Variants in DENND2B observed in about 807,000 individuals in gnomAD.
DENND2B encodes the protein DENN domain containing 2B.
In DENND2B, 32 loss-of-function variants were observed where a neutral mutation model predicts 116.0. The observed-to-expected ratio is 0.28, with a 90% CI of 0.21 to 0.37. DENND2B has a LOEUF of 0.37. DENND2B is among the 10% of genes least tolerant of loss of function. DENND2B has a pLI of 1.00. For synonymous variants in DENND2B, 588 were observed against 583.9 expected, an observed-to-expected ratio of 1.01 and a Z score of -0.10; for missense variants, 1,276 against 1,477.7, an observed-to-expected ratio of 0.86 and a Z score of 2.24.
At chr11:8,748,541 G>A (rs1335035071) in intron 2 of DENND2B, among the ~76,000 whole-genome samples, 1 of 152,144 alleles carries the variant, frequency 6.6e-6, no homozygotes, top group Non-Finnish European at 1.5e-5. Context: ...TACACCCCAG[G>A]GGTAGTCTCT....
intron 2 of DENND2B, among the ~76,000 whole-genome samples, chr11:8,865,968 C>A (rs1300492481): frequency 6.7e-6 from 1 of 149,226 alleles, no homozygotes; most frequent in African/African-American, 2.5e-5. Flanking sequence ...CTTTTTTTTT[C>A]TTTTATTTTG....
intron 4 of DENND2B, among the ~76,000 whole-genome samples, chr11:8,724,952 C>T (rs933678611): frequency 6.6e-6 from 1 of 152,228 alleles, no homozygotes; most frequent in African/African-American, 2.4e-5. Context: ...GCAGCTTCCA[C>T]CTGGGCCTTC....
intron 2 of DENND2B, among the ~76,000 whole-genome samples, chr11:8,877,726 G>A (rs2063859423): frequency 6.6e-6 from 1 of 152,040 alleles, no homozygotes; most frequent in Admixed American, 6.6e-5. Context: ...ATATCATTTT[G>A]TCATTCTCCA....
chr11:8,711,160 A>G lies in DENND2B; in HGVS notation c.2244T>C (p.Pro748=). 2 of 1,614,162 alleles carry G rather than the reference A, an allele frequency of 1.2e-6. No homozygotes were observed. Among genetic ancestry groups the G allele is most frequent in the Non-Finnish European group, 1.7e-6 (2 of 1,180,036 alleles). ...ACACAGGAAGCCAGTCCTTGGCATCAGGGAAGCAAAACTGGGGAATGGCTT... is the reference window on the plus strand; with the variant it reads ...ACACAGGAAGCCAGTCCTTGGCATCGGGGAAGCAAAACTGGGGAATGGCTT... ...RLKAIPQFCF[P]DAKDWLPVSE... The change falls in exon 10 of 20, where the codon CCT becomes CCC. Residue 748 remains proline, a synonymous_variant. Transcript: ENST00000313726.
chr11:8,783,298 C>G (rs1044775582), intron 1 of DENND2B, among the ~76,000 whole-genome samples: 2 of 152,186 alleles, frequency 1.3e-5, no homozygotes, highest in Admixed American at 1.3e-4. Flanking sequence ...AAGCAATCCT[C>G]CTGCTTTGGC....
rs561877707 is a variant in DENND2B, at chr11:8,693,809, C to T, written c.*287G>A. 7.1e-4 allele frequency: 242 copies of T among 340,606 alleles called. No homozygotes were observed. The highest frequency in any genetic ancestry group is 4.7e-3 in the African/African-American group (222 of 46,808). 21.1% of individuals were successfully genotyped at this position (340,606 alleles called of 1,614,324 possible). ...AAACTGGCCAGTCACGAGCACCCAGCGAAACTTCATCCATGCTCTGGCAGG... is the reference window on the plus strand; with the variant it reads ...AAACTGGCCAGTCACGAGCACCCAGTGAAACTTCATCCATGCTCTGGCAGG... On this transcript the variant is annotated 3_prime_UTR_variant, in exon 20 of 20. Transcript: ENST00000313726.
intron 1 of DENND2B, among the ~76,000 whole-genome samples, chr11:8,773,373 G>T (rs1296458293): frequency 6.6e-6 from 1 of 152,146 alleles, no homozygotes; most frequent in African/African-American, 2.4e-5. Flanking sequence ...TCACCCCAGA[G>T]ACGCTGCCTC....
intron 4 of DENND2B, chr11:8,718,539 C>T (rs1457923924): frequency 1.5e-5 from 21 of 1,432,082 alleles, no homozygotes; most frequent in East Asian, 7.6e-5. Context: ...ATGATCTGTT[C>T]GATGACTCTC....
At chr11:8,806,605 A>AACACACACACACATACACACAC (rs2060864835) in intron 1 of DENND2B, among the ~76,000 whole-genome samples, 1 of 118,494 alleles carries the variant, frequency 8.4e-6, no homozygotes, top group Non-Finnish European at 1.7e-5. Flanking sequence ...CTCCCTTCAA[A>AACACACACACACATACACACAC]ACACACACAC....
chr11:8,745,706 G>A (rs1360881875), intron 2 of DENND2B, among the ~76,000 whole-genome samples: 4 of 152,128 alleles, frequency 2.6e-5, no homozygotes, highest in Admixed American at 1.3e-4. Context: ...AAAATGCCAC[G>A]CATTTTTGCC....
At position 8,750,631 on chromosome 11, in the gene DENND2B, T is replaced by TC; in HGVS notation, c.69dup (p.Thr24AspfsTer26). ...TGCTCCCTTACCCACCTGCTCAGAG[T>TC]CCCCCGAGGGGCTTTAGTGCCACCA... On this transcript the variant is annotated frameshift_variant, in exon 2 of 20. Transcript: ENST00000313726. LOFTEE classifies it high-confidence loss of function. 6.2e-7 allele frequency: 1 copy of TC among 1,613,902 alleles called. No individual in the cohort carries two copies. The highest frequency in any genetic ancestry group is 8.5e-7 in the Non-Finnish European group (1 of 1,179,974).
chr11:8,841,141 G>T (rs1477841933), intron 3 of DENND2B, among the ~76,000 whole-genome samples: 1 of 152,018 alleles, frequency 6.6e-6, no homozygotes, highest in Non-Finnish European at 1.5e-5. Flanking sequence ...CAAGTGGAAG[G>T]TTCTTTCTTT....
chr11:8,801,366 C>T (rs375890517), intron 1 of DENND2B, among the ~76,000 whole-genome samples: 28 of 152,142 alleles, frequency 1.8e-4, no homozygotes, highest in African/African-American at 6.3e-4. Context: ...ACAAACCCAA[C>T]AGACAAGCCA....
intron 3 of DENND2B, among the ~76,000 whole-genome samples, chr11:8,851,123 A>G (rs1298705418): frequency 6.6e-6 from 1 of 152,176 alleles, no homozygotes; most frequent in Non-Finnish European, 1.5e-5. Flanking sequence ...CATCATGGCA[A>G]CTATAGTTAA....
At chr11:8,892,376 A>C (rs1370763989) in intron 1 of DENND2B, among the ~76,000 whole-genome samples, 1 of 152,210 alleles carries the variant, frequency 6.6e-6, no homozygotes, top group Non-Finnish European at 1.5e-5. Context: ...AGCTAGCAGA[A>C]GGCAAGAAAT....
At chr11:8,866,475 G>A (rs911375022) in intron 2 of DENND2B, among the ~76,000 whole-genome samples, 5 of 152,104 alleles carry the variant, frequency 3.3e-5, no homozygotes, top group South Asian at 2.1e-4. Flanking sequence ...GCATTCTCCC[G>A]GGAAGACATA....
At chr11:8,895,504 T>C (rs922983627) in intron 1 of DENND2B, 4 of 152,170 alleles carry the variant, frequency 2.6e-5, no homozygotes, top group African/African-American at 9.7e-5. Flanking sequence ...AGAAAAATAC[T>C]GTATGAGTCC....
At chr11:8,735,298 G>A (rs866505394) in intron 2 of DENND2B, among the ~76,000 whole-genome samples, 6 of 152,174 alleles carry the variant, frequency 3.9e-5, no homozygotes, top group African/African-American at 1.4e-4. Flanking sequence ...GAATGTGACC[G>A]AGGCACCTCT....
intron 2 of DENND2B, among the ~76,000 whole-genome samples, chr11:8,746,185 A>G (rs1035932457): frequency 9.3e-5 from 14 of 151,164 alleles, no homozygotes; most frequent in African/African-American, 3.4e-4. Flanking sequence ...TACTCAGGAG[A>G]TTTTTCTTCT....
Sources: gnomAD v4.1 joint callset for allele counts (sites outside exome capture counted in the v4.1 genomes callset) on GRCh38, gnomAD v4.1.1 for gene constraint, MANE v1.5 for transcripts, NCBI Gene and HGNC (gene_info 2026-07-23, HGNC 2026-07-21) for gene names.